MTCL1: variants seen among roughly 807,000 people sequenced by gnomAD.
MTCL1 encodes microtubule crosslinking factor 1.
A neutral mutation model predicts 141.4 loss-of-function variants in MTCL1; 79 were observed. The observed-to-expected ratio is 0.56, with a 90% confidence interval of 0.47 to 0.67. The LOEUF (loss-of-function observed/expected upper bound fraction) is 0.67, where lower values mean the gene tolerates loss of function less well. Among genes scored for constraint, MTCL1 ranks in the 30% least tolerant of loss-of-function variants. The pLI is 0.00. For synonymous variants in MTCL1, 914 were observed against 875.8 expected (o/e 1.04, Z -0.77); for missense variants, 2,177 against 2,113.9 (o/e 1.03, Z -0.59).
intron 9 of MTCL1, 72 bp downstream of exon 8, chr18:8,796,534 C>A: frequency 1.4e-6 from 2 of 1,408,460 alleles, no homozygotes; most frequent in Non-Finnish European, 2.0e-6. Context: ...TTTCTCCTCA[C>A]CCACCCTACA....
chr18:8,727,460 T>C (rs1383552997), intron 4 of MTCL1, among the ~76,000 whole-genome samples: 1 of 152,210 alleles, frequency 6.6e-6, no homozygotes, highest in Non-Finnish European at 1.5e-5. Context: ...CATCTGCTGT[T>C]TTTTGATGTT....
At chr18:8,715,174 A>G (rs971276172), upstream of MTCL1, among the ~76,000 whole-genome samples, 1 of 152,202 alleles carries the variant, frequency 6.6e-6, no homozygotes, top group African/African-American at 2.4e-5. Flanking sequence ...TGGTCTGCTC[A>G]ATGATGTGGA....
intron 14 of MTCL1, 33 bp from the exon 14 acceptor site, chr18:8,824,666 A>G (rs1409104490): frequency 1.3e-6 from 2 of 1,564,832 alleles, no homozygotes; most frequent in Non-Finnish European, 1.7e-6. Flanking sequence ...GCTCCCTGGC[A>G]GGTACTGACA....
chr18:8,821,237 T>C (rs932357010), intron 13 of MTCL1, among the ~76,000 whole-genome samples: 7 of 152,232 alleles, frequency 4.6e-5, no homozygotes, highest in Admixed American at 6.5e-5. Context: ...TCATGTGGGC[T>C]TCTCCCTGGA....
intron 4 of MTCL1, among the ~76,000 whole-genome samples, chr18:8,748,050 A>G (rs1598476134): frequency 6.6e-6 from 1 of 152,180 alleles, no homozygotes; most frequent in South Asian, 2.1e-4. Flanking sequence ...TCCCCAGACC[A>G]TACCCCTCAG....
intron 6 of MTCL1, 149 bp downstream of exon 5, chr18:8,784,992 C>G (rs1292345433): frequency 1.5e-5 from 8 of 544,168 alleles, no homozygotes; most frequent in Non-Finnish European, 2.0e-5. Context: ...CAACCGGATC[C>G]TCTCTCTTGG....
chr18:8,784,027 G>A, exon 6 of MTCL1: 2 of 1,613,648 alleles, frequency 1.2e-6, no homozygotes, highest in Non-Finnish European at 1.7e-6. Flanking sequence ...TGACCCACGA[G>A]CTCAGCAAGT....
At chr18:8,825,268 C>T (rs774253198) in exon 15 of MTCL1, 11 of 1,573,594 alleles carry the variant, frequency 7.0e-6, no homozygotes, top group East Asian at 2.2e-5. Flanking sequence ...GTGGAGGGGG[C>T]ACGGCGCCCC....
intron 4 of MTCL1, among the ~76,000 whole-genome samples, chr18:8,744,536 C>T (rs2096324612): frequency 6.6e-6 from 1 of 152,100 alleles, no homozygotes; most frequent in Admixed American, 6.5e-5. Flanking sequence ...CATTTCTCAC[C>T]CTGCTTCCTG....
At chr18:8,719,463 G>A (rs575806529) in intron 3 of MTCL1, among the ~76,000 whole-genome samples, 12 of 152,304 alleles carry the variant, frequency 7.9e-5, no homozygotes, top group Non-Finnish European at 1.8e-4. Flanking sequence ...GAAAGTAAAC[G>A]TGTTTAACTG....
At chr18:8,778,563 G>A (rs1040288606) in intron 5 of MTCL1, among the ~76,000 whole-genome samples, 1 of 152,130 alleles carries the variant, frequency 6.6e-6, no homozygotes, top group Non-Finnish European at 1.5e-5. Flanking sequence ...AACCTCCACC[G>A]ACCTCCTGCA....
At chr18:8,794,193 A>G (rs1474562057) in intron 8 of MTCL1, among the ~76,000 whole-genome samples, 2 of 152,232 alleles carry the variant, frequency 1.3e-5, no homozygotes, top group African/African-American at 4.8e-5. Context: ...CATGGCACCA[A>G]AAATTGTTTG....
intron 6 of MTCL1, among the ~76,000 whole-genome samples, chr18:8,785,165 T>C (rs1412147339): frequency 6.6e-6 from 1 of 152,126 alleles, no homozygotes; most frequent in East Asian, 1.9e-4. Context: ...GCTCGACGCA[T>C]GCCGGCCTTG....
chr18:8,705,593 G>T, upstream of MTCL1: 1 of 1,177,016 alleles, frequency 8.5e-7, no homozygotes, highest in Non-Finnish European at 1.0e-6. The surrounding 1 kb of genome is among the most constrained non-coding windows in gnomAD (Gnocchi z 5.2). Flanking sequence ...GCACGCCGCC[G>T]CCGCCGCCGC....
intron 4 of MTCL1, among the ~76,000 whole-genome samples, chr18:8,756,290 C>CTAG (rs2096397206): frequency 6.6e-6 from 1 of 151,028 alleles, no homozygotes; most frequent in African/African-American, 2.4e-5. Context: ...TCAGCCTTAG[C>CTAG]CATGAAAAAG....
At chr18:8,743,026 T>C (rs761468267) in intron 4 of MTCL1, among the ~76,000 whole-genome samples, 1 of 152,184 alleles carries the variant, frequency 6.6e-6, no homozygotes, top group Non-Finnish European at 1.5e-5. Context: ...TAAAACTATT[T>C]AGAAAATTTG....
intron 4 of MTCL1, among the ~76,000 whole-genome samples, chr18:8,756,525 ATGTG>A (rs1294574218): frequency 0.011 from 1,703 of 149,044 alleles, 46 homozygotes; most frequent in African/African-American, 0.042. Flanking sequence ...GTGTGTATAT[ATGTG>A]TGTGTATATA....
rs2076450803 is a variant in MTCL1 at position 8,810,601 on chromosome 18, C to A, written c.2605-2378C>A. On this transcript the variant is annotated intron_variant, in intron 11 of 16. Transcript: ENST00000359865. This position sits in a 1 kb window ranked among gnomAD's most constrained non-coding sequence, Gnocchi z 5.0. ...AAGCATCTACAGGTGAACAGACGTACGTGCGAGGGGCTCAGCAGCCTGTCT... is the reference window on the plus strand; with the variant it reads ...AAGCATCTACAGGTGAACAGACGTAAGTGCGAGGGGCTCAGCAGCCTGTCT... 6.6e-6 allele frequency among the ~76,000 whole-genome samples: 1 copy of A among 152,098 alleles called. No individual in the cohort carries two copies. Among genetic ancestry groups the A allele is most frequent in the African/African-American group, 2.4e-5 (1 of 41,402 alleles).
Position 8,810,567 on chromosome 18 carries a change from G to T in MTCL1, c.2605-2412G>T, listed in dbSNP as rs690387. On this transcript the variant is annotated intron_variant, in intron 11 of 16. Coordinates refer to ENST00000359865, the Ensembl canonical transcript of MTCL1. This position sits in a 1 kb window ranked among gnomAD's most constrained non-coding sequence, Gnocchi z 5.0. Reference sequence around the variant, plus strand: ...GGAGATTCTAAAGAGAGGACCTGTTGGTTGCTGGAAGCATCTACAGGTGAA... The same window carrying T: ...GGAGATTCTAAAGAGAGGACCTGTTTGTTGCTGGAAGCATCTACAGGTGAA... Among the ~76,000 whole-genome samples the T allele has an allele frequency of 0.33, 50,064 of 152,008 alleles. 8,604 individuals are homozygous for T. The highest frequency in any genetic ancestry group is 0.55 in the East Asian group (2,842 of 5,150).
Sources: gnomAD v4.1 joint callset for allele counts (sites outside exome capture counted in the v4.1 genomes callset) on GRCh38, gnomAD v4.1.1 for gene constraint, Gnocchi (gnomAD v3.1) non-coding constraint, MANE v1.5 for transcripts, NCBI Gene and HGNC (gene_info 2026-07-23, HGNC 2026-07-21) for gene names.